DNAH6: variants seen among roughly 807,000 people sequenced by gnomAD.
DNAH6 encodes dynein axonemal heavy chain 6, also known as axonemal beta dynein heavy chain 6.
Under a neutral mutation model 491.4 loss-of-function variants are expected in DNAH6, and 340 were observed. That is an observed-to-expected ratio of 0.69 (90% CI 0.63 to 0.76). The LOEUF is 0.76. Ranked by LOEUF, DNAH6 falls within the 30% of genes least tolerant of loss-of-function variation. DNAH6 has a pLI of 0.00. For synonymous variants in DNAH6, 1,603 were observed against 1,686.1 expected (o/e 0.95, Z 1.21); for missense variants, 4,443 against 4,972.2 (o/e 0.89, Z 3.20).
chr2:84,714,496 G>A (rs1052890914), intron 57 of DNAH6, among the ~76,000 whole-genome samples: 3 of 152,016 alleles, frequency 2.0e-5, no homozygotes, highest in African/African-American at 7.2e-5. Context: ...AGTTAATGGG[G>A]ACAAAAATAT....
chr2:84,562,497 G>A (rs1680781115), intron 11 of DNAH6, among the ~76,000 whole-genome samples: 1 of 152,118 alleles, frequency 6.6e-6, no homozygotes, highest in Non-Finnish European at 1.5e-5. Context: ...AGGGGCAAAG[G>A]TAAACAATAA....
At chr2:84,583,935 A>G (rs1173124662) in intron 14 of DNAH6, 64 bp from the exon 15 acceptor site, 1 of 1,556,444 alleles carries the variant, frequency 6.4e-7, no homozygotes, top group African/African-American at 1.4e-5. Flanking sequence ...CTCCTGTTAG[A>G]ACAAACTTCA....
chr2:84,739,016 T>C (rs1174650558), intron 62 of DNAH6, among the ~76,000 whole-genome samples: 2 of 152,182 alleles, frequency 1.3e-5, no homozygotes, highest in African/African-American at 2.4e-5. Flanking sequence ...GCATGCATTG[T>C]AGGGCCAGTC....
intron 59 of DNAH6, among the ~76,000 whole-genome samples, chr2:84,720,468 C>T (rs930400170): frequency 9.9e-5 from 15 of 150,790 alleles, no homozygotes; most frequent in African/African-American, 3.4e-4. Flanking sequence ...TTAGTAGAGA[C>T]GGGGTTTCAC....
intron 11 of DNAH6, among the ~76,000 whole-genome samples, chr2:84,570,877 C>T (rs901825484): frequency 9.2e-5 from 14 of 152,166 alleles, no homozygotes; most frequent in Non-Finnish European, 4.4e-5. Context: ...AGCTGTAACA[C>T]TTACTGGGAA....
chr2:84,818,037 G>T (rs1403326577), intron 76 of DNAH6, among the ~76,000 whole-genome samples: 1 of 152,094 alleles, frequency 6.6e-6, no homozygotes, highest in African/African-American at 2.4e-5. Flanking sequence ...TAGAAGCCTG[G>T]CATAAAGAAT....
intron 23 of DNAH6, among the ~76,000 whole-genome samples, chr2:84,617,466 G>A (rs1030088261): frequency 4.0e-5 from 6 of 151,880 alleles, no homozygotes; most frequent in African/African-American, 1.5e-4. Flanking sequence ...TCACCCTGTT[G>A]TACTATCAAA....
At chr2:84,595,824 G>A (rs529550618) in intron 18 of DNAH6, 35 bp downstream of exon 18, 2 of 1,515,350 alleles carry the variant, frequency 1.3e-6, no homozygotes, top group Admixed American at 4.5e-5. Flanking sequence ...AAAACTGTAG[G>A]CCAGTTGGTT....
chr2:84,631,050 G>A (rs950924663), intron 29 of DNAH6, among the ~76,000 whole-genome samples: 1 of 151,974 alleles, frequency 6.6e-6, no homozygotes, highest in Non-Finnish European at 1.5e-5. Flanking sequence ...TACACAATTC[G>A]TCTCTGAAAA....
the DNAH6 span, among the ~76,000 whole-genome samples, chr2:84,511,402 G>A: frequency 5.9e-5 from 9 of 152,346 alleles, no homozygotes; most frequent in Non-Finnish European, 7.3e-5. Context: ...CTGGTGTGCC[G>A]TTTGCTAAGA....
rs563388645 is a variant in DNAH6, at chr2:84,779,619, T to C, written c.10704-1874T>C. Among the ~76,000 whole-genome samples the C allele has an allele frequency of 4.6e-5, 7 of 152,318 alleles. No individual in the cohort carries two copies. In the South Asian group the frequency reaches 1.4e-3, roughly 32 times the overall value. Reference sequence around the variant, plus strand: ...TACTCTGTGCCTGTTAAATGGGGTGTTTAGACCACTTATATCCAAGGTTAA... The same window carrying C: ...TACTCTGTGCCTGTTAAATGGGGTGCTTAGACCACTTATATCCAAGGTTAA... On this transcript the variant is annotated intron_variant, in intron 64 of 76. Transcript: ENST00000389394.
At chr2:84,696,982 A>G (rs1056905916) in intron 46 of DNAH6, among the ~76,000 whole-genome samples, 2 of 152,190 alleles carry the variant, frequency 1.3e-5, no homozygotes, top group African/African-American at 4.8e-5. Context: ...AGCATTTATT[A>G]TATCTCCCAA....
At chr2:84,556,808 T>C (rs1321119864) in intron 10 of DNAH6, among the ~76,000 whole-genome samples, 2 of 152,232 alleles carry the variant, frequency 1.3e-5, no homozygotes, top group East Asian at 3.8e-4. Flanking sequence ...TTTTATATCC[T>C]GCTCACTCTC....
In DNAH6 at chr2:84,547,553, G is replaced by C. The variant is rs966457262; in HGVS notation, c.1127G>C (p.Arg376Pro). ...EAKYVVRRACRFALRAAGFVP... is the reference protein window; with the variant it reads ...EAKYVVRRACPFALRAAGFVP... ...AAATATGTAGTCAGGAGGGCTTGTCGATTTGCTTTGCGTGCTGCAGGATTT... is the reference window on the plus strand; with the variant it reads ...AAATATGTAGTCAGGAGGGCTTGTCCATTTGCTTTGCGTGCTGCAGGATTT... The change falls in exon 7 of 77, where the codon CGA (arginine) becomes CCA (proline). Residue 376 changes from arginine (R) to proline (P), a missense_variant. Transcript: ENST00000389394. 2 of 1,551,674 alleles carry C rather than the reference G, an allele frequency of 1.3e-6. No homozygotes were observed. The highest frequency in any genetic ancestry group is 1.4e-5 in the African/African-American group (1 of 73,004).
intron 37 of DNAH6, among the ~76,000 whole-genome samples, chr2:84,666,057 C>T (rs773187397): frequency 7.9e-5 from 12 of 152,122 alleles, no homozygotes; most frequent in Non-Finnish European, 1.0e-4. Context: ...AACAGCTCTT[C>T]ATGCTAAAAA....
In DNAH6 at chr2:84,595,823, G is replaced by A. The variant is rs976772297; in HGVS notation, c.2868+34G>A. ...GGTAGAAGTTATTTCAAAAACTGTA[G>A]GCCAGTTGGTTATTAATTGATGCTA... is the stretch of plus-strand genomic sequence containing the variant. On this transcript the variant is annotated intron_variant, in intron 18 of 76. Transcript: ENST00000389394. 4.6e-6 allele frequency: 7 copies of A among 1,515,916 alleles called. No individual in the cohort carries two copies. The African/African-American group carries it at 7.0e-5, about 15-fold the overall frequency. The allele number at this position is 1,515,916 out of a possible 1,614,324, so 93.9% of individuals were successfully genotyped here.
chr2:84,581,450 T>C (rs73945123), intron 14 of DNAH6, among the ~76,000 whole-genome samples: 1,840 of 152,268 alleles, frequency 0.012, 38 homozygotes, highest in African/African-American at 0.042. Context: ...AGTTGAGTCT[T>C]GAATGCAAGC....
At chr2:84,534,286 C>T (rs1254889730) in intron 4 of DNAH6, among the ~76,000 whole-genome samples, 1 of 152,020 alleles carries the variant, frequency 6.6e-6, no homozygotes, top group Non-Finnish European at 1.5e-5. Flanking sequence ...AACACAATCG[C>T]TCAGAAATTT....
intron 33 of DNAH6, among the ~76,000 whole-genome samples, chr2:84,642,598 TTC>T (rs1263085656): frequency 6.6e-6 from 1 of 152,280 alleles, no homozygotes; most frequent in East Asian, 1.9e-4. Flanking sequence ...TTTATACCAT[TTC>T]TTTTTCTTTT....
Sources: allele counts gnomAD v4.1 joint callset (sites outside exome capture counted in the v4.1 genomes callset), GRCh38; gene constraint gnomAD v4.1.1; transcripts MANE v1.5; gene names NCBI Gene and HGNC (gene_info 2026-07-23, HGNC 2026-07-21).